STMND1: variants seen among roughly 807,000 people sequenced by gnomAD.
The protein encoded by STMND1 is stathmin domain containing 1.
In STMND1, 17 loss-of-function variants were observed where a neutral mutation model predicts 23.0. The observed-to-expected ratio is 0.74, with a 90% confidence interval of 0.51 to 1.11. STMND1 has a LOEUF of 1.11. STMND1 is among the 50% of genes least tolerant of loss of function. STMND1 has a pLI of 0.00. For synonymous variants in STMND1, 114 were observed against 119.9 expected, an observed-to-expected ratio of 0.95 and a Z score of 0.32; for missense variants, 305 against 329.1, an observed-to-expected ratio of 0.93 and a Z score of 0.57.
chr6:17,112,560 A>G (rs533331350), intron 1 of STMND1, among the ~76,000 whole-genome samples: 315 of 152,020 alleles, frequency 2.1e-3, no homozygotes, highest in African/African-American at 7.0e-3. Context: ...GGTGGATCAC[A>G]AGGTCAGCAG....
At position 17,103,719 on chromosome 6, in the gene STMND1, G is replaced by A. The variant is rs932713898; in HGVS notation, c.81+1381G>A. On this transcript the variant is annotated intron_variant, in intron 1 of 4. Coordinates refer to ENST00000536551, the MANE Select transcript of STMND1 (RefSeq NM_001190766.2). ...CCTGAGTAGCTGGGATGACAGGCGT[G>A]CGCCACCACGCCCAGCTAATTTTTG... is the stretch of plus-strand genomic sequence containing the variant. Among the ~76,000 whole-genome samples, 4 of 151,926 alleles carry A rather than the reference G, an allele frequency of 2.6e-5. No individual in the cohort carries two copies. In the South Asian group the frequency reaches 6.2e-4, roughly 24 times the overall value.
At chr6:17,117,666 G>A (rs190075247) in intron 2 of STMND1, among the ~76,000 whole-genome samples, 98 of 103,640 alleles carry the variant, frequency 9.5e-4, no homozygotes, top group Admixed American at 2.4e-3. Flanking sequence ...TTTGGGTTAC[G>A]CTTTTTTTTT....
intron 2 of STMND1, among the ~76,000 whole-genome samples, chr6:17,117,364 C>T (rs146166493): frequency 5.3e-5 from 8 of 152,058 alleles, no homozygotes; most frequent in Non-Finnish European, 1.0e-4. Flanking sequence ...CCACCATGCC[C>T]GGCCAGGAAA....
At chr6:17,123,773 G>A (rs1581373330) in intron 3 of STMND1, among the ~76,000 whole-genome samples, 1 of 152,148 alleles carries the variant, frequency 6.6e-6, no homozygotes, top group African/African-American at 2.4e-5. Flanking sequence ...ACCATTTCAG[G>A]AATAGGAACT....
At chr6:17,124,508 C>T (rs942597848) in intron 3 of STMND1, among the ~76,000 whole-genome samples, 8 of 152,146 alleles carry the variant, frequency 5.3e-5, no homozygotes, top group African/African-American at 9.7e-5. Flanking sequence ...GTCCCTCTTC[C>T]GAATCGGGGG....
Position 17,130,642 on chromosome 6 carries a change from C to G in STMND1, c.592C>G (p.Pro198Ala), listed in dbSNP as rs866017757. ...RKRLRSDRLL[P>A]SANHSDSAEL... ...AAGGCTACGGAGTGACCGACTTTTG[C>G]CTTCAGCCAATCACTCAGATTCAGC... Residue 198 changes from proline to alanine, a missense_variant, in exon 5 of 5, where the codon CCT becomes GCT. Pro to Ala is a conservative substitution (Grantham distance 27, BLOSUM62 -1). Coordinates refer to ENST00000536551, the MANE Select transcript of STMND1 (RefSeq NM_001190766.2). The G allele has an allele frequency of 1.3e-6, 2 of 1,535,528 alleles. No homozygotes were observed. Among genetic ancestry groups the G allele is most frequent in the Middle Eastern group, 1.7e-4 (1 of 5,986 alleles).
chr6:17,125,158 A>G (rs1245986996), intron 3 of STMND1, among the ~76,000 whole-genome samples: 1 of 151,624 alleles, frequency 6.6e-6, no homozygotes, highest in East Asian at 1.9e-4. Flanking sequence ...TTCTACAAAA[A>G]AAAAAAAAAA....
At chr6:17,117,316 G>A (rs142750756) in intron 2 of STMND1, among the ~76,000 whole-genome samples, 29 of 152,240 alleles carry the variant, frequency 1.9e-4, no homozygotes, top group Non-Finnish European at 3.1e-4. Context: ...TGCTCCTCCC[G>A]CCTTGGCCTC....
intron 1 of STMND1, among the ~76,000 whole-genome samples, chr6:17,105,539 G>A (rs753683435): frequency 1.3e-5 from 2 of 152,066 alleles, no homozygotes; most frequent in Non-Finnish European, 2.9e-5. Context: ...CACCTATTTG[G>A]GGGGCTGAGG....
chr6:17,102,361 A>T lies in STMND1; in HGVS notation c.81+23A>T, dbSNP rs1473743. On this transcript the variant is annotated intron_variant, in intron 1 of 4. Transcript: ENST00000536551. ...AAGGTAATAAACAAACAAACAAACA[A>T]ACAAACAAACAGACAGAAAGCCTTT... is the stretch of plus-strand genomic sequence containing the variant. 1.4e-4 allele frequency: 215 copies of T among 1,532,852 alleles called. 4 individuals carry two copies. In the East Asian group the frequency reaches 5.0e-3, roughly 36 times the overall value. 95.0% of individuals were successfully genotyped at this position (1,532,852 alleles called of 1,614,324 possible). A position where few individuals can be genotyped will look rare whatever the true frequency, so the allele number is the denominator to read the frequency against.
At chr6:17,107,819 A>G (rs999653239) in intron 1 of STMND1, among the ~76,000 whole-genome samples, 3 of 152,324 alleles carry the variant, frequency 2.0e-5, no homozygotes, top group Admixed American at 2.0e-4. Context: ...TAATGTAGGT[A>G]TACTTCCTAC....
intron 1 of STMND1, among the ~76,000 whole-genome samples, chr6:17,109,046 G>T (rs543460971): frequency 6.6e-6 from 1 of 151,992 alleles, no homozygotes; most frequent in Non-Finnish European, 1.5e-5. Context: ...GTAATATGTT[G>T]TATGTAAAGA....
intron 1 of STMND1, among the ~76,000 whole-genome samples, chr6:17,113,980 G>C (rs908104701): frequency 1.6e-4 from 25 of 152,112 alleles, no homozygotes; most frequent in African/African-American, 5.8e-4. Flanking sequence ...AAATTTAGTG[G>C]CTTCAAACAG....
Position 17,131,356 on chromosome 6 carries a change from A to G in STMND1, c.*475A>G, listed in dbSNP as rs909034609. ...TTATAATTTTTTTCTCTGTGTTGTG[A>G]AGGAATAAAGCAATGTCTTGAAGTT... is the stretch of plus-strand genomic sequence containing the variant. On this transcript the variant is annotated 3_prime_UTR_variant, in exon 5 of 5. Transcript: ENST00000536551. 1 of 152,890 alleles carries G rather than the reference A, an allele frequency of 6.5e-6. No homozygotes were observed. Among genetic ancestry groups the G allele is most frequent in the South Asian group, 2.1e-4 (1 of 4,842 alleles). The allele number at this position is 152,890 out of a possible 1,614,324, so 9.5% of individuals were successfully genotyped here.
intron 2 of STMND1, 91 bp downstream of exon 2, chr6:17,115,230 C>A: frequency 7.9e-7 from 1 of 1,272,232 alleles, no homozygotes; most frequent in Non-Finnish European, 1.1e-6. Flanking sequence ...GTCCTTTTAT[C>A]ATTGCTTTCT....
chr6:17,106,043 A>G (rs1761019863), intron 1 of STMND1, among the ~76,000 whole-genome samples: 1 of 152,168 alleles, frequency 6.6e-6, no homozygotes, highest in Non-Finnish European at 1.5e-5. Flanking sequence ...CACCGTAGAC[A>G]AACCTTAGGA....
At position 17,107,744 on chromosome 6, in the gene STMND1, G is replaced by A. The variant is rs140074125; in HGVS notation, c.81+5406G>A. Among the ~76,000 whole-genome samples the A allele has an allele frequency of 5.4e-3, 819 of 152,260 alleles. 7 individuals carry two copies. The highest frequency in any genetic ancestry group is 0.018 in the African/African-American group (765 of 41,562). ...GCTGAGTAGCTGGGAATACAAGTAT[G>A]AGCCATCATGCCCGGCTAATTTTTG... is the stretch of plus-strand genomic sequence containing the variant. On this transcript the variant is annotated intron_variant, in intron 1 of 4. Coordinates refer to ENST00000536551, the MANE Select transcript of STMND1 (RefSeq NM_001190766.2).
chr6:17,120,007 T>C (rs1761210479), intron 2 of STMND1, among the ~76,000 whole-genome samples: 1 of 152,224 alleles, frequency 6.6e-6, no homozygotes, highest in African/African-American at 2.4e-5. Flanking sequence ...ATAAACTGTT[T>C]CAGTGCTCAT....
chr6:17,115,437 A>C (rs1235983587), intron 2 of STMND1, among the ~76,000 whole-genome samples: 2 of 152,044 alleles, frequency 1.3e-5, no homozygotes, highest in Non-Finnish European at 2.9e-5. Context: ...GACTTTAGGA[A>C]TGGGACTTGC....
Sources: allele counts gnomAD v4.1 joint callset (sites outside exome capture counted in the v4.1 genomes callset), GRCh38; gene constraint gnomAD v4.1.1; transcripts MANE v1.5; gene names NCBI Gene and HGNC (gene_info 2026-07-23, HGNC 2026-07-21).